Variants in NPHP1 observed in about 807,000 individuals in gnomAD.
The protein encoded by NPHP1 is nephrocystin 1.
In NPHP1, 70 loss-of-function variants were observed where a neutral mutation model predicts 90.4. The ratio of observed to expected loss-of-function variants is 0.77; its 90% CI spans 0.64 to 0.95. The LOEUF is 0.95. Among genes scored for constraint, NPHP1 ranks in the 40% least tolerant of loss-of-function variants. The pLI, the probability that NPHP1 is intolerant of heterozygous loss-of-function variation, is 0.00. For missense variants in NPHP1, 764 were observed against 795.9 expected, an observed-to-expected ratio of 0.96 and a Z score of 0.48; for synonymous variants, 256 against 271.7, an observed-to-expected ratio of 0.94 and a Z score of 0.57.
chr2:110,178,434 T>C lies in NPHP1; in HGVS notation c.318A>G (p.Glu106=), dbSNP rs1410678812. ...GAAAGGAAGCATACTCAGTTATATTTTCTCTGCTTATTGTCACAGCAAGGC... is the reference window on the plus strand; with the variant it reads ...GAAAGGAAGCATACTCAGTTATATTCTCTCTGCTTATTGTCACAGCAAGGC... ...LQGLAVTISR[E]NITEVGAPTE... is the part of the protein sequence containing the mutation. The change falls in exon 4 of 20, where the codon GAA becomes GAG. Residue 106 remains glutamate, a synonymous_variant. Coordinates refer to ENST00000445609, the MANE Select transcript of NPHP1 (RefSeq NM_001128178.3). The C allele has an allele frequency of 6.2e-7, 1 of 1,613,762 alleles. No homozygotes were observed. The highest frequency in any genetic ancestry group is 8.5e-7 in the Non-Finnish European group (1 of 1,179,878).
At chr2:110,151,972 C>T (rs1000277088) in intron 11 of NPHP1, among the ~76,000 whole-genome samples, 4 of 152,088 alleles carry the variant, frequency 2.6e-5, no homozygotes, top group Non-Finnish European at 5.9e-5. Flanking sequence ...TCTTTCTTGA[C>T]ATATTGACTC....
At chr2:110,155,810 G>A (rs955298009) in intron 11 of NPHP1, among the ~76,000 whole-genome samples, 4 of 152,150 alleles carry the variant, frequency 2.6e-5, no homozygotes, top group African/African-American at 7.2e-5. Context: ...ATAGGCAGAA[G>A]AGACTTGCCT....
At chr2:110,167,920 T>A (rs909715952) in intron 6 of NPHP1, among the ~76,000 whole-genome samples, 1 of 152,288 alleles carries the variant, frequency 6.6e-6, no homozygotes, top group Admixed American at 6.5e-5. Context: ...AGAAGTGGCA[T>A]CAGCAAAAAG....
At chr2:110,172,850 A>C (rs1683238294) in intron 4 of NPHP1, among the ~76,000 whole-genome samples, 1 of 152,010 alleles carries the variant, frequency 6.6e-6, no homozygotes, top group African/African-American at 2.4e-5. Context: ...TCATTTTATT[A>C]TCATTCCAAA....
Position 110,201,487 on chromosome 2 carries a change from C to T in NPHP1, c.77G>A (p.Ser26Asn), listed in dbSNP as rs1685575676. 1.9e-6 allele frequency: 3 copies of T among 1,606,738 alleles called. No homozygotes were observed. Among genetic ancestry groups the T allele is most frequent in the Non-Finnish European group, 2.6e-6 (3 of 1,174,764 alleles). Residue 26 changes from serine (S) to asparagine (N), a missense_variant, in exon 2 of 20, where the codon AGT becomes AAT. Transcript: ENST00000445609. Reference sequence around the variant, plus strand: ...TTTCAGTTGGCTCTCAGAAAGCAAACTATCAACCTATGGAGACCATTTAAA... The same window carrying T: ...TTTCAGTTGGCTCTCAGAAAGCAAATTATCAACCTATGGAGACCATTTAAA... ...RNQELKQQVD[S>N]LLSESQLKEA...
At chr2:110,177,764 A>G (rs1322636082) in intron 4 of NPHP1, among the ~76,000 whole-genome samples, 1 of 151,412 alleles carries the variant, frequency 6.6e-6, no homozygotes, top group African/African-American at 2.4e-5. Flanking sequence ...TTTTTAATAG[A>G]GACAGTGTCT....
intron 2 of NPHP1, among the ~76,000 whole-genome samples, chr2:110,197,234 C>T (rs1449558881): frequency 3.9e-5 from 6 of 151,964 alleles, no homozygotes; most frequent in East Asian, 3.9e-4. Flanking sequence ...GTATGGCACA[C>T]GTTTACCTAT....
chr2:110,169,727 G>T, intron 5 of NPHP1, 79 bp downstream of exon 5: 1 of 906,946 alleles, frequency 1.1e-6, no homozygotes. Flanking sequence ...CTGTAATACA[G>T]GTGTACAGGC....
At chr2:110,150,067 C>T (rs1681349341) in intron 12 of NPHP1, 115 bp downstream of exon 12, 2 of 888,318 alleles carry the variant, frequency 2.3e-6, no homozygotes, top group Non-Finnish European at 3.8e-6. Context: ...CCTCAAAGAA[C>T]ACCAAAGAAT....
chr2:110,166,238 A>C (rs1682717843), intron 6 of NPHP1, among the ~76,000 whole-genome samples: 1 of 152,220 alleles, frequency 6.6e-6, no homozygotes, highest in Non-Finnish European at 1.5e-5. Flanking sequence ...CCAGTGATGA[A>C]CATCTAGGAA....
At chr2:110,198,357 T>C (rs760623809) in intron 2 of NPHP1, among the ~76,000 whole-genome samples, 16 of 152,170 alleles carry the variant, frequency 1.1e-4, no homozygotes, top group Non-Finnish European at 1.8e-4. Flanking sequence ...TCTAATATTA[T>C]TGTGTTATAT....
chr2:110,168,221 T>G (rs529569791), intron 6 of NPHP1, among the ~76,000 whole-genome samples: 1 of 152,304 alleles, frequency 6.6e-6, no homozygotes, highest in South Asian at 2.1e-4. Flanking sequence ...CCACAAAGCA[T>G]CCCCTCATTG....
At chr2:110,137,824 G>A (rs1407886646) in intron 16 of NPHP1, among the ~76,000 whole-genome samples, 39 of 150,828 alleles carry the variant, frequency 2.6e-4, no homozygotes, top group Non-Finnish European at 2.1e-4. Flanking sequence ...CCCATTACTG[G>A]GTATATACCC....
intron 11 of NPHP1, among the ~76,000 whole-genome samples, chr2:110,157,297 G>A (rs1243186237): frequency 6.6e-6 from 1 of 151,912 alleles, no homozygotes; most frequent in Non-Finnish European, 1.5e-5. Context: ...AGAGGTACAG[G>A]AAAAAGTATC....
chr2:110,143,494 G>C, intron 16 of NPHP1, 48 bp downstream of exon 16: 1 of 1,256,514 alleles, frequency 8.0e-7, no homozygotes, highest in Non-Finnish European at 1.2e-6. Context: ...TGGTCTCCAA[G>C]TGCTGAATGA....
intron 2 of NPHP1, among the ~76,000 whole-genome samples, chr2:110,196,830 AATG>A (rs1197057970): frequency 1.3e-5 from 2 of 152,168 alleles, no homozygotes; most frequent in Non-Finnish European, 2.9e-5. Flanking sequence ...AGCCATAAAA[AATG>A]ATGAGTTCAT....
chr2:110,186,742 TTC>T (rs1684306900), intron 2 of NPHP1, among the ~76,000 whole-genome samples: 1 of 152,096 alleles, frequency 6.6e-6, no homozygotes, highest in African/African-American at 2.4e-5. Flanking sequence ...CTCACCTCCC[TTC>T]TCTTAGCCCA....
chr2:110,195,665 T>A (rs1685114267), intron 2 of NPHP1, among the ~76,000 whole-genome samples: 1 of 152,110 alleles, frequency 6.6e-6, no homozygotes, highest in South Asian at 2.1e-4. Context: ...TTTAAGTTCA[T>A]ATGGAACCAA....
rs151123098 is a variant in NPHP1, at chr2:110,172,550, G to A, written c.330-2552C>T. On this transcript the variant is annotated intron_variant, in intron 4 of 19. Transcript: ENST00000445609. Reference sequence around the variant, plus strand: ...AATCCCAGAACTTTGGGAGGCTGAGGTGGGAGGATTGCATAAGCCCATGAG... The same window carrying A: ...AATCCCAGAACTTTGGGAGGCTGAGATGGGAGGATTGCATAAGCCCATGAG... Among the ~76,000 whole-genome samples, 822 of 152,148 alleles carry A rather than the reference G, an allele frequency of 5.4e-3. 13 individuals are homozygous for A. The highest frequency in any genetic ancestry group is 0.017 in the African/African-American group (703 of 41,504).
Sources: allele counts gnomAD v4.1 joint callset (sites outside exome capture counted in the v4.1 genomes callset), GRCh38; gene constraint gnomAD v4.1.1; transcripts MANE v1.5; gene names NCBI Gene and HGNC (gene_info 2026-07-23, HGNC 2026-07-21).